Variants in ALG11 observed in about 807,000 individuals in gnomAD.
The protein encoded by ALG11 is ALG11 alpha-1,2-mannosyltransferase.
A neutral mutation model predicts 38.8 loss-of-function variants in ALG11; 26 were observed. The observed-to-expected ratio is 0.67, with a 90% CI of 0.49 to 0.93. The LOEUF is 0.93. Ranked by LOEUF, ALG11 falls within the 40% of genes least tolerant of loss-of-function variation. ALG11 has a pLI of 0.00. For missense variants in ALG11, 535 were observed against 578.8 expected, an observed-to-expected ratio of 0.92 and a Z score of 0.78; for synonymous variants, 199 against 211.6, an observed-to-expected ratio of 0.94 and a Z score of 0.52.
In ALG11 at chr13:52,030,738, G is replaced by A. The variant is rs1265890467; in HGVS notation, c.*2148G>A. Reference sequence around the variant, plus strand: ...GGCCTAAAGCCCAGTGCCAAGAAAAGACGCCAGTTTCTCATTAAAGCCCCT... The same window carrying A: ...GGCCTAAAGCCCAGTGCCAAGAAAAAACGCCAGTTTCTCATTAAAGCCCCT... On this transcript the variant is annotated 3_prime_UTR_variant, in exon 4 of 4. Transcript: ENST00000521508. 1 of 1,614,214 alleles carries A rather than the reference G, an allele frequency of 6.2e-7. No individual in the cohort carries two copies.
intron 3 of ALG11, among the ~76,000 whole-genome samples, chr13:52,027,703 C>G (rs1008187362): frequency 1.3e-5 from 2 of 152,336 alleles, no homozygotes; most frequent in Non-Finnish European, 2.9e-5. Flanking sequence ...ATGCAGTAGT[C>G]TCAAATATGC....
intron 2 of ALG11, chr13:52,021,229 T>C (rs1954181072): frequency 6.6e-6 from 1 of 152,174 alleles, no homozygotes; most frequent in Admixed American, 6.5e-5. Context: ...TGCGTGATGA[T>C]TGTATGTTAG....
chr13:52,030,240 A>T lies in ALG11; in HGVS notation c.*1650A>T, dbSNP rs1954287156. The T allele has an allele frequency of 1.2e-6, 2 of 1,614,134 alleles. No homozygotes were observed. Among genetic ancestry groups the T allele is most frequent in the Non-Finnish European group, 1.7e-6 (2 of 1,180,058 alleles). On this transcript the variant is annotated 3_prime_UTR_variant, in exon 4 of 4. Coordinates refer to ENST00000521508, the MANE Select transcript of ALG11 (RefSeq NM_001004127.3). ...TCCAGGAAGCAAAAAGCAAGTTCAG[A>T]GGGGACTGTTCCCCAGGTCCAGAGA...
intron 2 of ALG11, among the ~76,000 whole-genome samples, chr13:52,020,406 G>A (rs1376913984): frequency 6.6e-6 from 1 of 152,082 alleles, no homozygotes; most frequent in South Asian, 2.1e-4. Context: ...CCTTCACACA[G>A]AATTACCTCA....
rs570730579 is a variant in ALG11 at position 52,024,194 on chromosome 13, G to A, written c.464G>A (p.Gly155Glu). ...TTCACACTGCTGGGCCAAAGTCTAG[G>A]ATCCATTTTTCTTGGCTGGGAAGCT... ...PHFTLLGQSL[G>E]SIFLGWEALM... Residue 155 changes from glycine (G) to glutamate (E), a missense_variant, in exon 3 of 4, where the codon GGA (glycine) becomes GAA (glutamate). Gly to Glu is a moderately conservative substitution (Grantham distance 98, BLOSUM62 -2). Coordinates refer to ENST00000521508, the MANE Select transcript of ALG11 (RefSeq NM_001004127.3). 6.2e-7 allele frequency: 1 copy of A among 1,614,110 alleles called. No homozygotes were observed. The highest frequency in any genetic ancestry group is 1.3e-5 in the African/African-American group (1 of 75,018).
In ALG11 at chr13:52,033,260, G is replaced by A. The variant is rs1459969757; in HGVS notation, c.*4670G>A. The A allele has an allele frequency of 6.0e-6, 1 of 167,014 alleles. No homozygotes were observed. Among genetic ancestry groups the A allele is most frequent in the Non-Finnish European group, 1.5e-5 (1 of 68,120 alleles). The allele number at this position is 167,014 out of a possible 1,614,324, so 10.3% of individuals were successfully genotyped here. A position where few individuals can be genotyped will look rare whatever the true frequency, so the allele number is the denominator to read the frequency against. On this transcript the variant is annotated 3_prime_UTR_variant, in exon 4 of 4. Coordinates refer to ENST00000521508, the MANE Select transcript of ALG11 (RefSeq NM_001004127.3). Reference sequence around the variant, plus strand: ...AATTCCTCTCAGATGTCATTTTTGAGTGGTCCAAGCCTGCTGTTTTGAACC... The same window carrying A: ...AATTCCTCTCAGATGTCATTTTTGAATGGTCCAAGCCTGCTGTTTTGAACC...
At chr13:52,013,386 T>C (rs1164321821) in intron 1 of ALG11, among the ~76,000 whole-genome samples, 1 of 152,258 alleles carries the variant, frequency 6.6e-6, no homozygotes, top group African/African-American at 2.4e-5. Flanking sequence ...ATCATTACTT[T>C]AAACATTTTG....
Position 52,030,203 on chromosome 13 carries a change from GA to G in ALG11, c.*1618del. 6.2e-7 allele frequency: 1 copy of G among 1,614,194 alleles called. No individual in the cohort carries two copies. The highest frequency in any genetic ancestry group is 8.5e-7 in the Non-Finnish European group (1 of 1,180,034). On this transcript the variant is annotated 3_prime_UTR_variant, in exon 4 of 4. Coordinates refer to ENST00000521508, the MANE Select transcript of ALG11 (RefSeq NM_001004127.3). ...GAGGGCACTATCTCAGAAATTGAAG[GA>G]AAAACATCAGTCCAGGAAGCAAAAA...
At chr13:52,023,575 A>G (rs1335936552) in intron 2 of ALG11, 2 of 151,812 alleles carry the variant, frequency 1.3e-5, no homozygotes, top group South Asian at 4.2e-4. Flanking sequence ...AGCCTGGGCA[A>G]CAAGAGTGAA....
Position 52,024,040 on chromosome 13 carries a change from G to T in ALG11, c.310G>T (p.Asp104Tyr). The change falls in exon 3 of 4, where the codon GAT becomes TAT. Residue 104 changes from aspartate to tyrosine, a missense_variant. Coordinates refer to ENST00000521508, the MANE Select transcript of ALG11 (RefSeq NM_001004127.3). ...PEAVYVVYTG[D>Y]VNVNGQQILE... Reference sequence around the variant, plus strand: ...AGCAGTTTATGTTGTTTATACCGGCGATGTTAATGTCAACGGTCAACAGAT... The same window carrying T: ...AGCAGTTTATGTTGTTTATACCGGCTATGTTAATGTCAACGGTCAACAGAT... 1 of 1,614,070 alleles carries T rather than the reference G, an allele frequency of 6.2e-7. No individual in the cohort carries two copies. Among genetic ancestry groups the T allele is most frequent in the Non-Finnish European group, 8.5e-7 (1 of 1,180,004 alleles).
intron 2 of ALG11, 73 bp downstream of exon 2, chr13:52,019,216 CTTTTTTTTTTTTTT>C (rs767701891): frequency 6.7e-6 from 3 of 447,538 alleles, no homozygotes; most frequent in Admixed American, 9.3e-5. Context: ...AGAAATTCAT[CTTTTTTTTTTTTTT>C]TTTTTTTTTG....
chr13:52,029,630 A>G lies in ALG11; in HGVS notation c.*1040A>G, dbSNP rs1054782. 11 of 1,614,140 alleles carry G rather than the reference A, an allele frequency of 6.8e-6. No homozygotes were observed. The East Asian group carries it at 2.2e-4, about 33-fold the overall frequency. On this transcript the variant is annotated 3_prime_UTR_variant, in exon 4 of 4. Transcript: ENST00000521508. ...TGAGCAGCTACAGAAGGTTAATCCAACTGTGGCACTGGAAGAAATGGAAAA... is the reference window on the plus strand; with the variant it reads ...TGAGCAGCTACAGAAGGTTAATCCAGCTGTGGCACTGGAAGAAATGGAAAA...
Position 52,030,126 on chromosome 13 carries a change from C to G in ALG11, c.*1536C>G, listed in dbSNP as rs1360096715. 6.2e-7 allele frequency: 1 copy of G among 1,614,070 alleles called. No individual in the cohort carries two copies. Among genetic ancestry groups the G allele is most frequent in the Non-Finnish European group, 8.5e-7 (1 of 1,180,040 alleles). Reference sequence around the variant, plus strand: ...GAGCTCAACCAGGATGCTGAGCCAGCAAGCAGTCAAGAAACAAAAGATTCT... The same window carrying G: ...GAGCTCAACCAGGATGCTGAGCCAGGAAGCAGTCAAGAAACAAAAGATTCT... On this transcript the variant is annotated 3_prime_UTR_variant, in exon 4 of 4. Transcript: ENST00000521508.
chr13:52,029,185 C>A lies in ALG11; in HGVS notation c.*595C>A. ...TTAACAAAGAAAAAATTGAACAGATCCACAGAGAAGTAGCATTCAGTAAAA... is the reference window on the plus strand; with the variant it reads ...TTAACAAAGAAAAAATTGAACAGATACACAGAGAAGTAGCATTCAGTAAAA... On this transcript the variant is annotated 3_prime_UTR_variant, in exon 4 of 4. Coordinates refer to ENST00000521508, the MANE Select transcript of ALG11 (RefSeq NM_001004127.3). 1.2e-6 allele frequency: 2 copies of A among 1,614,182 alleles called. No homozygotes were observed. Among genetic ancestry groups the A allele is most frequent in the East Asian group, 2.2e-5 (1 of 44,888 alleles).
Position 52,024,265 on chromosome 13 carries a change from G to A in ALG11, c.535G>A (p.Ala179Thr), listed in dbSNP as rs202195109. The A allele has an allele frequency of 1.0e-4, 166 of 1,613,966 alleles. No individual in the cohort carries two copies. The highest frequency in any genetic ancestry group is 6.6e-4 in the Middle Eastern group (4 of 6,084). The stretch of plus-strand genomic sequence containing the variant: ...TGTTTACATTGATTCAATGGGATAC[G>A]CTTTTACGCTTCCTCTGTTTAAGTA... Reference protein sequence around the residue: ...PDVYIDSMGYAFTLPLFKYIG... With the variant: ...PDVYIDSMGYTFTLPLFKYIG... Residue 179 changes from alanine (A) to threonine (T), a missense_variant, in exon 3 of 4, where the codon GCT becomes ACT. By Grantham distance (58) the Ala-to-Thr change is moderately conservative. Coordinates refer to ENST00000521508, the MANE Select transcript of ALG11 (RefSeq NM_001004127.3).
chr13:52,016,545 T>G (rs982108559), intron 1 of ALG11: 1 of 152,268 alleles, frequency 6.6e-6, no homozygotes, highest in South Asian at 2.1e-4. Context: ...CTTGGTACCC[T>G]GTGTCCCAGC....
chr13:52,019,487 T>G, intron 2 of ALG11, among the ~76,000 whole-genome samples: 1 of 152,310 alleles, frequency 6.6e-6, no homozygotes, highest in East Asian at 1.9e-4. Flanking sequence ...TTCCAAAGTG[T>G]TGGTATTACA....
rs1041758997 is a variant in ALG11, at chr13:52,029,923, G to A, written c.*1333G>A. ...TGAATGTGGACGGACCGAATCCCTG[G>A]ATGTTCAGGAGCTGCACCAGTGACA... On this transcript the variant is annotated 3_prime_UTR_variant, in exon 4 of 4. Transcript: ENST00000521508. 1.9e-6 allele frequency: 3 copies of A among 1,614,092 alleles called. No individual in the cohort carries two copies. Among genetic ancestry groups the A allele is most frequent in the African/African-American group, 2.7e-5 (2 of 74,928 alleles).
At chr13:52,023,792 CTTTTTTTTTTT>C (rs376943099) in intron 2 of ALG11, 1 of 177,680 alleles carries the variant, frequency 5.6e-6, no homozygotes, top group African/African-American at 3.4e-5. Context: ...AGGTAGCAGG[CTTTTTTTTTTT>C]TTTTTTTTTG....
Sources: gnomAD v4.1 joint callset for allele counts (sites outside exome capture counted in the v4.1 genomes callset) on GRCh38, gnomAD v4.1.1 for gene constraint, MANE v1.5 for transcripts, NCBI Gene and HGNC (gene_info 2026-07-23, HGNC 2026-07-21) for gene names.